Variants in CROCC2 observed in about 807,000 individuals in gnomAD.
CROCC2 encodes ciliary rootlet coiled-coil, rootletin family member 2.
Under a neutral mutation model 177.6 loss-of-function variants are expected in CROCC2, and 163 were observed. That is an observed-to-expected ratio of 0.92 (90% CI 0.81 to 1.05). CROCC2 has a LOEUF of 1.05. Among genes scored for constraint, CROCC2 ranks in the 50% least tolerant of loss-of-function variants. The probability of loss-of-function intolerance (pLI) is 0.00; values close to 1 mark genes in which losing one functional copy is unlikely to be tolerated. For synonymous variants in CROCC2, 904 were observed against 787.3 expected, an observed-to-expected ratio of 1.15 and a Z score of -2.48; for missense variants, 1,929 against 1,797.8, an observed-to-expected ratio of 1.07 and a Z score of -1.32.
At chr2:240,912,731 C>T (rs907997312) in intron 1 of CROCC2, among the ~76,000 whole-genome samples, 14 of 152,206 alleles carry the variant, frequency 9.2e-5, no homozygotes, top group Non-Finnish European at 1.9e-4. Flanking sequence ...CTCTCCCCTC[C>T]CCAGATGTCA....
chr2:240,971,615 C>T (rs773988358), intron 27 of CROCC2, among the ~76,000 whole-genome samples: 11 of 152,038 alleles, frequency 7.2e-5, no homozygotes, highest in Non-Finnish European at 8.8e-5. Context: ...GTGGGCGTGT[C>T]GGCCCCTTTC....
rs76772356 is a variant in CROCC2, at chr2:240,961,121, C to G, written c.3087+1677C>G. Among the ~76,000 whole-genome samples the G allele has an allele frequency of 4.0e-3, 612 of 152,190 alleles. 8 individuals are homozygous for G. Among genetic ancestry groups the G allele is most frequent in the African/African-American group, 0.014 (570 of 41,510 alleles). On this transcript the variant is annotated intron_variant, in intron 20 of 31. Transcript: ENST00000690015. The stretch of plus-strand genomic sequence containing the variant: ...ATCACAGAGAAAAGCAAGCAGAGCC[C>G]GTGCAGGCGCCAGGCTGGCCCAGGG...
rs534034318 is a variant in CROCC2 at position 240,984,274 on chromosome 2, G to A, written c.4551+1245G>A. Among the ~76,000 whole-genome samples, 101 of 152,242 alleles carry A rather than the reference G, an allele frequency of 6.6e-4. 2 individuals are homozygous for A. The South Asian group carries it at 9.9e-3, about 15-fold the overall frequency. On this transcript the variant is annotated intron_variant, in intron 28 of 31. Coordinates refer to ENST00000690015, the MANE Select transcript of CROCC2 (RefSeq NM_001351305.2). ...TGGCCACTGAGCTCGGACCCTGGAC[G>A]CAGGTGGACCTGGCTTCCACGCATG...
Position 240,949,760 on chromosome 2 carries a change from T to C in CROCC2, c.2652+58T>C. 1 of 1,476,290 alleles carries C rather than the reference T, an allele frequency of 6.8e-7. No homozygotes were observed. The highest frequency in any genetic ancestry group is 1.4e-5 in the African/African-American group (1 of 70,710). 91.4% of individuals were successfully genotyped at this position (1,476,290 alleles called of 1,614,324 possible). A position where few individuals can be genotyped will look rare whatever the true frequency, so the allele number is the denominator to read the frequency against. ...TAGAAGGCTACCAGGTCCCGGGGAA[T>C]GGCAGGCCCTTGGGAGGAGGGGGCC... On this transcript the variant is annotated intron_variant, in intron 17 of 31. Transcript: ENST00000690015. The surrounding 1 kb of genome is among the most constrained non-coding windows in gnomAD (Gnocchi z 4.5).
chr2:240,964,928 C>T (rs1218615357), intron 22 of CROCC2, among the ~76,000 whole-genome samples: 1 of 152,140 alleles, frequency 6.6e-6, no homozygotes, highest in Non-Finnish European at 1.5e-5. Context: ...CACAGCAGCA[C>T]ACGGAAGTAT....
At position 240,973,141 on chromosome 2, in the gene CROCC2, AT is replaced by A. The variant is rs2059733913; in HGVS notation, c.4401+4880del. The stretch of plus-strand genomic sequence containing the variant: ...TGGGTTGGTTTTTCCCCTGTTTCAC[AT>A]AAGCCGATGTGTTTGTCAAGAGAAA... On this transcript the variant is annotated intron_variant, in intron 27 of 31. Transcript: ENST00000690015. This position sits in a 1 kb window ranked among gnomAD's most constrained non-coding sequence, Gnocchi z 4.7. 1.3e-5 allele frequency among the ~76,000 whole-genome samples: 2 copies of A among 152,258 alleles called. No homozygotes were observed. The highest frequency in any genetic ancestry group is 4.8e-5 in the African/African-American group (2 of 41,476).
intron 26 of CROCC2, among the ~76,000 whole-genome samples, chr2:240,967,804 C>A (rs1195648221): frequency 6.6e-6 from 1 of 152,084 alleles, no homozygotes; most frequent in Non-Finnish European, 1.5e-5. Flanking sequence ...CTGCCTGGCA[C>A]CCTCTCCCCC....
chr2:240,945,125 C>T (rs369918517), intron 14 of CROCC2, among the ~76,000 whole-genome samples: 1 of 152,124 alleles, frequency 6.6e-6, no homozygotes, highest in Admixed American at 6.5e-5. Context: ...TTAGTAGAGA[C>T]GGGGTTTCAC....
chr2:240,980,130 A>T (rs367589904), intron 27 of CROCC2, among the ~76,000 whole-genome samples: 404 of 45,138 alleles, frequency 9.0e-3, no homozygotes, highest in East Asian at 0.027. Context: ...TAGGAGCCTC[A>T]GGAGCCCAGG....
Position 240,935,424 on chromosome 2 carries a change from G to A in CROCC2, c.2005G>A (p.Gly669Arg), listed in dbSNP as rs1313052108. The stretch of plus-strand genomic sequence containing the variant: ...TCTGGAGCAGGAACGGGCCCGGGCC[G>A]GGGAGCAGCTGGCACAGGCGGAGCA... ...KTLEQERARAGEQLAQAEQQL... is the reference protein window; with the variant it reads ...KTLEQERARAREQLAQAEQQL... The change falls in exon 14 of 32, where the codon GGG becomes AGG. Residue 669 changes from glycine to arginine, a missense_variant. Gly to Arg is a moderately radical substitution (Grantham distance 125, BLOSUM62 -2). Around this residue, in one of 3 missense-constraint regions of CROCC2, gnomAD observed 1,397 missense variants for 1,239.9 expected, o/e 1.13. Coordinates refer to ENST00000690015, the MANE Select transcript of CROCC2 (RefSeq NM_001351305.2). 2.9e-5 allele frequency: 40 copies of A among 1,373,910 alleles called. No individual in the cohort carries two copies. The highest frequency in any genetic ancestry group is 2.4e-4 in the Middle Eastern group (1 of 4,116). 85.1% of individuals were successfully genotyped at this position (1,373,910 alleles called of 1,614,324 possible). A position where few individuals can be genotyped will look rare whatever the true frequency, so the allele number is the denominator to read the frequency against.
At position 240,919,072 on chromosome 2, in the gene CROCC2, CCGGGGCTGGG is replaced by C. The variant is rs1473444098; in HGVS notation, c.229+198_229+207del. Among the ~76,000 whole-genome samples the C allele has an allele frequency of 1.4e-4, 18 of 133,076 alleles. 1 individual carries two copies. Among genetic ancestry groups the C allele is most frequent in the African/African-American group, 2.8e-4 (10 of 35,532 alleles). 87.3% of individuals were successfully genotyped at this position (133,076 alleles called of 152,430 possible). ...GATGGCGTGGGGGACGGTCCTGGGC[CCGGGGCTGGG>C]CAAGGTGATGGCGTGGGGGACGGTC... is the stretch of plus-strand genomic sequence containing the variant. On this transcript the variant is annotated intron_variant, in intron 2 of 31. Transcript: ENST00000690015.
chr2:240,991,719 C>T (rs957830582), intron 31 of CROCC2, among the ~76,000 whole-genome samples: 5 of 152,216 alleles, frequency 3.3e-5, no homozygotes, highest in Non-Finnish European at 7.3e-5. Context: ...CCTGGCACTC[C>T]GTTTCTGCTT....
intron 1 of CROCC2, among the ~76,000 whole-genome samples, chr2:240,910,708 C>T (rs931566960): frequency 2.6e-5 from 4 of 152,248 alleles, no homozygotes; most frequent in African/African-American, 9.6e-5. Flanking sequence ...TTTCATTAAC[C>T]TACATATGCA....
intron 1 of CROCC2, among the ~76,000 whole-genome samples, chr2:240,909,876 C>A (rs1482754888): frequency 1.3e-5 from 2 of 152,174 alleles, no homozygotes; most frequent in East Asian, 1.9e-4. Flanking sequence ...AGGGACACTC[C>A]ACCCTCCAGC....
chr2:240,954,165 C>T (rs2059574711), intron 18 of CROCC2, among the ~76,000 whole-genome samples: 1 of 152,124 alleles, frequency 6.6e-6, no homozygotes, highest in African/African-American at 2.4e-5. Flanking sequence ...AGTGAAAAAT[C>T]CCCCACTCCT....
At position 240,933,745 on chromosome 2, in the gene CROCC2, G is replaced by C; in HGVS notation, c.1539G>C (p.Gly513=). The C allele has an allele frequency of 6.5e-7, 1 of 1,550,072 alleles. No individual in the cohort carries two copies. Among genetic ancestry groups the C allele is most frequent in the Non-Finnish European group, 8.7e-7 (1 of 1,146,850 alleles). The part of the protein sequence containing the change: ...KADAADAEKQ[G]LEAEAAELQR... ...ATGCTGCAGATGCGGAGAAGCAGGG[G>C]CTGGAGGCCGAGGCTGCAGAGCTGC... The change falls in exon 11 of 32, where the codon GGG becomes GGC. Residue 513 remains glycine, a synonymous_variant. Coordinates refer to ENST00000690015, the MANE Select transcript of CROCC2 (RefSeq NM_001351305.2).
In CROCC2 at chr2:240,932,384, C is replaced by T. The variant is rs955744774; in HGVS notation, c.1014C>T (p.Ile338=). 1.1e-5 allele frequency: 8 copies of T among 717,384 alleles called. No individual in the cohort carries two copies. The highest frequency in any genetic ancestry group is 7.0e-5 in the African/African-American group (4 of 57,268). The allele number at this position is 717,384 out of a possible 1,614,324, so 44.4% of individuals were successfully genotyped here. A position where few individuals can be genotyped will look rare whatever the true frequency, so the allele number is the denominator to read the frequency against. The part of the protein sequence containing the change: ...TEQNEQKAKT[I]AALRTDLQNL... Reference sequence around the variant, plus strand: ...AGAATGAGCAGAAGGCGAAGACCATCGCTGCCCTCAGAACCGACCTGCAGA... The same window carrying T: ...AGAATGAGCAGAAGGCGAAGACCATTGCTGCCCTCAGAACCGACCTGCAGA... Residue 338 remains isoleucine (I), a synonymous_variant, in exon 8 of 32, where the codon ATC becomes ATT. Transcript: ENST00000690015.
intron 1 of CROCC2, 147 bp downstream of exon 1, chr2:240,906,738 C>A: frequency 2.5e-6 from 1 of 396,834 alleles, no homozygotes; most frequent in Non-Finnish European, 4.4e-6. Context: ...TTGCCTTGAG[C>A]GTGCAGCCAG....
Position 240,925,660 on chromosome 2 carries a change from C to T in CROCC2, c.489-64C>T, listed in dbSNP as rs2059391088. ...CCATTCAAGCCCCTTGACTTGGGGA[C>T]TCTGAGCGCCTCTCTTAGGAGAGGC... is the stretch of plus-strand genomic sequence containing the variant. On this transcript the variant is annotated intron_variant, in intron 4 of 31. Transcript: ENST00000690015. 6.2e-6 allele frequency: 4 copies of T among 641,420 alleles called. No individual in the cohort carries two copies. The Admixed American group carries it at 7.9e-5, about 13-fold the overall frequency. 39.7% of individuals were successfully genotyped at this position (641,420 alleles called of 1,614,324 possible). A position where few individuals can be genotyped will look rare whatever the true frequency, so the allele number is the denominator to read the frequency against.
Sources: allele counts gnomAD v4.1 joint callset (sites outside exome capture counted in the v4.1 genomes callset), GRCh38; gene constraint gnomAD v4.1.1; regional missense constraint gnomAD v4.1.1; non-coding constraint Gnocchi (gnomAD v3.1); transcripts MANE v1.5; gene names NCBI Gene and HGNC (gene_info 2026-07-23, HGNC 2026-07-21).